IL23R: variants seen among roughly 807,000 people sequenced by gnomAD.
IL23R encodes interleukin 23 receptor, also known as interleukin-23 receptor.
IL23R carries 34 observed loss-of-function variants against 56.9 expected under a neutral mutation model. The observed-to-expected ratio is 0.60, with a 90% CI of 0.45 to 0.80. The LOEUF (loss-of-function observed/expected upper bound fraction) is 0.80. IL23R is among the 30% of genes least tolerant of loss of function. The pLI is 0.00. For synonymous variants in IL23R, 230 were observed against 249.2 expected, an observed-to-expected ratio of 0.92 and a Z score of 0.73; for missense variants, 635 against 730.0, an observed-to-expected ratio of 0.87 and a Z score of 1.50.
chr1:67,145,496 C>T (rs1646672058), intron 1 of IL23R, among the ~76,000 whole-genome samples: 1 of 152,122 alleles, frequency 6.6e-6, no homozygotes, highest in African/African-American at 2.4e-5. Context: ...CTCCTGTGCC[C>T]TCTTCCCACC....
At chr1:67,163,445 G>T (rs1646840861), upstream of IL23R, among the ~76,000 whole-genome samples, 2 of 120,966 alleles carry the variant, frequency 1.7e-5, no homozygotes, top group Non-Finnish European at 3.2e-5. Context: ...CTCCAGCCTG[G>T]GCCACAGAGC....
intron 9 of IL23R, among the ~76,000 whole-genome samples, chr1:67,255,415 C>T (rs11465818): frequency 0.29 from 43,554 of 151,898 alleles, 7,139 homozygotes; most frequent in African/African-American, 0.43. Flanking sequence ...AAACTTTAGC[C>T]TCGGCATCAG....
At chr1:67,232,401 G>T (rs965099266) in intron 7 of IL23R, among the ~76,000 whole-genome samples, 1 of 152,154 alleles carries the variant, frequency 6.6e-6, no homozygotes, top group East Asian at 1.9e-4. Context: ...CTCATCCTGG[G>T]AGAGGCTGCT....
rs893496189 is a variant in IL23R at position 67,145,370 on chromosome 1, A to C, written c.-634+6209A>C. 2.3e-4 allele frequency among the ~76,000 whole-genome samples: 35 copies of C among 152,144 alleles called. 1 individual carries two copies. The highest frequency in any genetic ancestry group is 2.3e-3 in the Admixed American group (35 of 15,274). ...CTCAAATACGTACATAAAATATTGA[A>C]TGTCTACCATACCCTAATATGGTAG... On this transcript the variant is annotated intron_variant, in intron 1 of 10. Transcript: ENST00000637002.
At chr1:67,200,441 T>C (rs1459239736) in intron 4 of IL23R, among the ~76,000 whole-genome samples, 1 of 151,088 alleles carries the variant, frequency 6.6e-6, no homozygotes, top group East Asian at 1.9e-4. Flanking sequence ...TTGCCCAGGC[T>C]GGAGTGAATG....
rs547924864 is a variant in IL23R at position 67,142,727 on chromosome 1, G to A, written c.-634+3566G>A. Among the ~76,000 whole-genome samples, 207 of 152,066 alleles carry A rather than the reference G, an allele frequency of 1.4e-3. 1 individual carries two copies. Among genetic ancestry groups the A allele is most frequent in the Middle Eastern group, 3.4e-3 (1 of 294 alleles). On this transcript the variant is annotated intron_variant, in intron 1 of 10. Coordinates refer to the IL23R transcript ENST00000637002. ...ACCACAGGTGTGTGCCACCAAGCCC[G>A]GCCAATTTTTTTGTATTTTTAATAG...
intron 7 of IL23R, 66 bp from the exon 8 acceptor site, chr1:67,236,647 C>T (rs1476752948): frequency 1.3e-5 from 13 of 982,230 alleles, no homozygotes; most frequent in South Asian, 2.6e-5. Flanking sequence ...GAAGAAACTC[C>T]GTTGGGAAAT....
chr1:67,209,105 C>T (rs1035639702), intron 6 of IL23R, among the ~76,000 whole-genome samples: 3 of 152,250 alleles, frequency 2.0e-5, no homozygotes, highest in Non-Finnish European at 2.9e-5. Context: ...CCAATTTCTC[C>T]CATTTGGAAT....
At chr1:67,245,992 G>T (rs1199703046) in intron 9 of IL23R, among the ~76,000 whole-genome samples, 1 of 152,118 alleles carries the variant, frequency 6.6e-6, no homozygotes, top group Non-Finnish European at 1.5e-5. Context: ...TTCAGAACTG[G>T]TTTTTGGTCT....
chr1:67,263,505 G>T (rs577360508), downstream of IL23R, among the ~76,000 whole-genome samples: 1 of 152,258 alleles, frequency 6.6e-6, no homozygotes, highest in South Asian at 2.1e-4. Flanking sequence ...TCCCTTGAGT[G>T]GCTAATTCTT....
At chr1:67,177,957 G>A (rs1005085189) in intron 3 of IL23R, among the ~76,000 whole-genome samples, 1 of 151,094 alleles carries the variant, frequency 6.6e-6, no homozygotes, top group African/African-American at 2.5e-5. Flanking sequence ...TGAGGTCTCT[G>A]TTCTGTTCCA....
intron 1 of IL23R, among the ~76,000 whole-genome samples, chr1:67,156,621 C>T (rs949190197): frequency 6.6e-6 from 1 of 152,188 alleles, no homozygotes; most frequent in African/African-American, 2.4e-5. Context: ...TAGGGGAAAA[C>T]CGCTTTCTAA....
upstream of IL23R, among the ~76,000 whole-genome samples, chr1:67,164,609 G>A (rs1646853823): frequency 6.7e-6 from 1 of 148,612 alleles, no homozygotes; most frequent in Non-Finnish European, 1.5e-5. Context: ...TCCAGCCTGG[G>A]CAACAGAGCA....
chr1:67,195,070 C>T (rs1021452573), intron 4 of IL23R, among the ~76,000 whole-genome samples: 1 of 152,158 alleles, frequency 6.6e-6, no homozygotes, highest in African/African-American at 2.4e-5. Context: ...CACATAGTCT[C>T]ACTCTGTCAT....
chr1:67,163,393 C>A (rs1646839761), upstream of IL23R, among the ~76,000 whole-genome samples: 1 of 138,806 alleles, frequency 7.2e-6, no homozygotes, highest in Non-Finnish European at 1.5e-5. Flanking sequence ...CACTTGAACC[C>A]AGGAGGCAGA....
At chr1:67,181,116 A>T (rs977876272) in intron 3 of IL23R, among the ~76,000 whole-genome samples, 3 of 152,054 alleles carry the variant, frequency 2.0e-5, no homozygotes, top group Non-Finnish European at 4.4e-5. Context: ...GGTCTTCTCG[A>T]GGAGTATCTT....
intron 6 of IL23R, among the ~76,000 whole-genome samples, chr1:67,210,199 G>A (rs764408943): frequency 9.2e-5 from 14 of 152,060 alleles, no homozygotes; most frequent in Non-Finnish European, 1.9e-4. Context: ...TAAATGCCAA[G>A]GTTAAATTAT....
chr1:67,209,688 C>G (rs929800032), intron 6 of IL23R, among the ~76,000 whole-genome samples: 1 of 152,168 alleles, frequency 6.6e-6, no homozygotes, highest in Non-Finnish European at 1.5e-5. Flanking sequence ...TGAAAACAGA[C>G]TAATGCAGTA....
chr1:67,140,282 G>T (rs1266689373), intron 1 of IL23R, among the ~76,000 whole-genome samples: 1 of 151,996 alleles, frequency 6.6e-6, no homozygotes, highest in Non-Finnish European at 1.5e-5. Context: ...TAAAATTTCT[G>T]TATGTCAAAA....
Sources: gnomAD v4.1 joint callset for allele counts (sites outside exome capture counted in the v4.1 genomes callset) on GRCh38, gnomAD v4.1.1 for gene constraint, MANE v1.5 for transcripts, NCBI Gene and HGNC (gene_info 2026-07-23, HGNC 2026-07-21) for gene names.